MPPE1: variants seen among roughly 807,000 people sequenced by gnomAD.
MPPE1 encodes the protein metallo phosphoesterase.
Under a neutral mutation model 43.8 loss-of-function variants are expected in MPPE1, and 28 were observed. The observed-to-expected ratio is 0.64, with a 90% CI of 0.47 to 0.88. The LOEUF (loss-of-function observed/expected upper bound fraction) is 0.88. Among genes scored for constraint, MPPE1 ranks in the 40% least tolerant of loss-of-function variants. MPPE1 has a pLI of 0.00. For missense variants in MPPE1, 428 were observed against 492.2 expected, an observed-to-expected ratio of 0.87 and a Z score of 1.23; for synonymous variants, 159 against 188.5, an observed-to-expected ratio of 0.84 and a Z score of 1.28.
rs971599764 is a variant in MPPE1 at position 11,882,820 on chromosome 18, G to A, written c.*1625C>T. On this transcript the variant is annotated 3_prime_UTR_variant, in exon 11 of 11. Transcript: ENST00000588072. Reference sequence around the variant, plus strand: ...TCTGAAGTATAAAGTCAAAAGATACGGCTCTTTCTCACACTTGCAAGACTT... The same window carrying A: ...TCTGAAGTATAAAGTCAAAAGATACAGCTCTTTCTCACACTTGCAAGACTT... 1.3e-5 allele frequency: 2 copies of A among 152,046 alleles called. No individual in the cohort carries two copies. Among genetic ancestry groups the A allele is most frequent in the African/African-American group, 2.4e-5 (1 of 41,386 alleles). 9.4% of individuals were successfully genotyped at this position (152,046 alleles called of 1,614,324 possible). A position where few individuals can be genotyped will look rare whatever the true frequency, so the allele number is the denominator to read the frequency against.
intron 3 of MPPE1, among the ~76,000 whole-genome samples, chr18:11,893,991 C>G (rs1317014732): frequency 2.0e-5 from 3 of 152,188 alleles, no homozygotes. Flanking sequence ...GGGACTTCAA[C>G]TTCCTTCTTT....
chr18:11,890,716 C>T (rs1043090402), intron 4 of MPPE1, among the ~76,000 whole-genome samples: 1 of 152,182 alleles, frequency 6.6e-6, no homozygotes, highest in South Asian at 2.1e-4. Context: ...CCCTGAAGAC[C>T]ATTCATAGAC....
At chr18:11,898,023 A>G (rs1445733929) in intron 2 of MPPE1, among the ~76,000 whole-genome samples, 1 of 152,036 alleles carries the variant, frequency 6.6e-6, no homozygotes, top group African/African-American at 2.4e-5. Flanking sequence ...GGCCAAGCTA[A>G]CTTTGGGAGA....
intron 6 of MPPE1, among the ~76,000 whole-genome samples, chr18:11,888,046 G>A (rs537847168): frequency 1.3e-5 from 2 of 152,280 alleles, no homozygotes; most frequent in East Asian, 3.9e-4. Context: ...TTTCTCCACC[G>A]CGTCTATAAT....
At chr18:11,900,434 ACCT>A (rs2039023949) in intron 2 of MPPE1, among the ~76,000 whole-genome samples, 1 of 152,014 alleles carries the variant, frequency 6.6e-6, no homozygotes. Flanking sequence ...TAAACCCAGG[ACCT>A]GGAGGTTGCA....
intron 10 of MPPE1, 110 bp downstream of exon 10, chr18:11,885,566 T>C: frequency 7.4e-7 from 1 of 1,344,280 alleles, no homozygotes; most frequent in South Asian, 1.4e-5. Flanking sequence ...GAGAGAAATT[T>C]GTGTGTGGCT....
chr18:11,884,815 G>C, intron 10 of MPPE1, 188 bp from the exon 11 acceptor site: 3 of 1,393,148 alleles, frequency 2.2e-6, no homozygotes, highest in Middle Eastern at 2.7e-4. Context: ...ACCAGCCCAG[G>C]CTCCAGCAGG....
Position 11,886,767 on chromosome 18 carries a change from G to A in MPPE1, c.690C>T (p.Ser230=). 6.2e-7 allele frequency: 1 copy of A among 1,613,012 alleles called. No individual in the cohort carries two copies. Among genetic ancestry groups the A allele is most frequent in the Non-Finnish European group, 8.5e-7 (1 of 1,179,804 alleles). ...GCAGAGGCCCAGGTCCACACCGGCT[G>A]GAGCCACGTGCCTGCTGGGTACAAG... The part of the protein sequence containing the change: ...RLNCSREARG[S]SRCGPGPLLP... Residue 230 remains serine (S), a synonymous_variant, in exon 8 of 11, where the codon TCC becomes TCT. Transcript: ENST00000588072. This position sits in a 1 kb window ranked among gnomAD's most constrained non-coding sequence, Gnocchi z 4.1.
intron 2 of MPPE1, among the ~76,000 whole-genome samples, chr18:11,904,311 A>ATTTTAT (rs11426779): frequency 1.3e-5 from 2 of 150,278 alleles, no homozygotes; most frequent in Admixed American, 6.7e-5. Flanking sequence ...AATCTTTTTT[A>ATTTTAT]TTTATTTATT....
Position 11,906,202 on chromosome 18 carries a change from C to T in MPPE1, c.-93+1G>A, listed in dbSNP as rs1355036762. ...AATATGGAAGCTAGATTATATATTA[C>T]CTATAATTTTCCAGGAAAATCACCA... On this transcript the variant is annotated splice_donor_variant, in intron 2 of 10. Coordinates refer to ENST00000588072, the MANE Select transcript of MPPE1 (RefSeq NM_023075.6). LOFTEE classifies it low-confidence loss of function (5UTR_SPLICE). 6.6e-6 allele frequency: 1 copy of T among 152,120 alleles called. No homozygotes were observed. The highest frequency in any genetic ancestry group is 1.5e-5 in the Non-Finnish European group (1 of 68,024). The allele number at this position is 152,120 out of a possible 1,614,324, so 9.4% of individuals were successfully genotyped here. A position where few individuals can be genotyped will look rare whatever the true frequency, so the allele number is the denominator to read the frequency against.
At position 11,885,742 on chromosome 18, in the gene MPPE1, G is replaced by A; in HGVS notation, c.942C>T (p.Gly314=). The A allele has an allele frequency of 1.9e-6, 3 of 1,613,964 alleles. No individual in the cohort carries two copies. Reference sequence around the variant, plus strand: ...ATGGGACGCTGAGCTCGGGGACTCGGCCCCCGTGGTGCACCTCGCAGGCGC... The same window carrying A: ...ATGGGACGCTGAGCTCGGGGACTCGACCCCCGTGGTGCACCTCGCAGGCGC... ...THSACEVHHG[G]RVPELSVPSF... The change falls in exon 10 of 11, where the codon GGC becomes GGT. Residue 314 remains glycine (G), a synonymous_variant. Transcript: ENST00000588072.
intron 2 of MPPE1, among the ~76,000 whole-genome samples, chr18:11,901,707 T>TGG (rs1227389824): frequency 1.3e-5 from 2 of 151,866 alleles, no homozygotes; most frequent in African/African-American, 4.8e-5. Context: ...GGTGTGGTGG[T>TGG]GCATGCCTGT....
At chr18:11,906,429 G>A (rs1232348140) in intron 1 of MPPE1, 120 bp from the exon 2 acceptor site, 1 of 152,084 alleles carries the variant, frequency 6.6e-6, no homozygotes, top group Non-Finnish European at 1.5e-5. Context: ...AAAGAAACAA[G>A]ACATTGGGTT....
chr18:11,893,598 T>A, intron 3 of MPPE1, 22 bp from the exon 4 acceptor site: 1 of 1,592,966 alleles, frequency 6.3e-7, no homozygotes, highest in Non-Finnish European at 8.6e-7. Flanking sequence ...TAGGAAAAAG[T>A]AAGGCATCAG....
At position 11,886,011 on chromosome 18, in the gene MPPE1, C is replaced by G; in HGVS notation, c.868-195G>C. 1 of 420,090 alleles carries G rather than the reference C, an allele frequency of 2.4e-6. No homozygotes were observed. The highest frequency in any genetic ancestry group is 3.7e-5 in the East Asian group (1 of 27,226). 26.0% of individuals were successfully genotyped at this position (420,090 alleles called of 1,614,324 possible). Reference sequence around the variant, plus strand: ...ACACTAAATCAAAGGTAAGGTCAGCCCTTTGTTCTCATCCCAGATTTTATA... The same window carrying G: ...ACACTAAATCAAAGGTAAGGTCAGCGCTTTGTTCTCATCCCAGATTTTATA... On this transcript the variant is annotated intron_variant, in intron 9 of 10. Transcript: ENST00000588072. This position sits in a 1 kb window ranked among gnomAD's most constrained non-coding sequence, Gnocchi z 4.1.
At chr18:11,900,489 A>G (rs890689622) in intron 2 of MPPE1, among the ~76,000 whole-genome samples, 1 of 151,454 alleles carries the variant, frequency 6.6e-6, no homozygotes, top group Admixed American at 6.6e-5. Context: ...CTGGGTAACA[A>G]GAGCAAAACT....
Position 11,886,848 on chromosome 18 carries a change from G to A in MPPE1, c.678+69C>T. 6.3e-7 allele frequency: 1 copy of A among 1,595,792 alleles called. No individual in the cohort carries two copies. The highest frequency in any genetic ancestry group is 8.6e-7 in the Non-Finnish European group (1 of 1,167,252). On this transcript the variant is annotated intron_variant, in intron 7 of 10. Transcript: ENST00000588072. This position sits in a 1 kb window ranked among gnomAD's most constrained non-coding sequence, Gnocchi z 4.1. ...ATCAAAGGGCAAGAAGCGCTAGGGGGCTGAGTGAGCAACCGAAGCGGAGCA... is the reference window on the plus strand; with the variant it reads ...ATCAAAGGGCAAGAAGCGCTAGGGGACTGAGTGAGCAACCGAAGCGGAGCA...
chr18:11,885,873 C>G (rs2037156157), intron 9 of MPPE1, 57 bp from the exon 10 acceptor site: 3 of 1,519,590 alleles, frequency 2.0e-6, no homozygotes, highest in Admixed American at 2.2e-5. Context: ...CAACCAGGCT[C>G]TCACCGCTCA....
At chr18:11,885,386 TAAAC>T (rs1030269073) in intron 10 of MPPE1, 9 of 381,410 alleles carry the variant, frequency 2.4e-5, no homozygotes, top group African/African-American at 1.9e-4. Context: ...TTTAGAAAAT[TAAAC>T]ACACACAGAG....
Sources: allele counts gnomAD v4.1 joint callset (sites outside exome capture counted in the v4.1 genomes callset), GRCh38; gene constraint gnomAD v4.1.1; non-coding constraint Gnocchi (gnomAD v3.1); transcripts MANE v1.5; gene names NCBI Gene and HGNC (gene_info 2026-07-23, HGNC 2026-07-21).